Variants in DPYD observed in about 807,000 individuals in gnomAD.
DPYD encodes dihydropyrimidine dehydrogenase, also known as dihydropyrimidine dehydrogenase [NADP(+)].
DPYD carries 109 observed loss-of-function variants against 116.2 expected under a neutral mutation model. That is an observed-to-expected ratio of 0.94 (90% CI 0.80 to 1.10). DPYD has a LOEUF of 1.10. Among genes scored for constraint, DPYD ranks in the 50% least tolerant of loss-of-function variants. The pLI, the probability that DPYD is intolerant of heterozygous loss-of-function variation, is 0.00. For synonymous variants in DPYD, 440 were observed against 432.0 expected (o/e 1.02, Z -0.23); for missense variants, 1,302 against 1,254.5 (o/e 1.04, Z -0.57).
intron 18 of DPYD, among the ~76,000 whole-genome samples, chr1:97,297,816 C>T (rs941098881): frequency 6.6e-6 from 1 of 152,182 alleles, no homozygotes; most frequent in Non-Finnish European, 1.5e-5. Flanking sequence ...AAAAACATAA[C>T]ATTTCACAAT....
chr1:97,563,495 C>A (rs1443522405), intron 11 of DPYD, among the ~76,000 whole-genome samples: 1 of 152,156 alleles, frequency 6.6e-6, no homozygotes, highest in Non-Finnish European at 1.5e-5. Context: ...CCTAACAAAA[C>A]TTGTTACATG....
chr1:97,841,102 A>G (rs1167016419), intron 2 of DPYD, among the ~76,000 whole-genome samples: 1 of 152,108 alleles, frequency 6.6e-6, no homozygotes, highest in Non-Finnish European at 1.5e-5. Flanking sequence ...GGCATGATTC[A>G]TTTTTTAAAA....
chr1:97,132,055 T>A (rs531832311), intron 20 of DPYD, among the ~76,000 whole-genome samples: 1 of 152,088 alleles, frequency 6.6e-6, no homozygotes. Context: ...TTGAAGAATA[T>A]GCAGAAAGAA....
chr1:97,851,119 A>G (rs1451342582), intron 2 of DPYD, among the ~76,000 whole-genome samples: 1 of 152,090 alleles, frequency 6.6e-6, no homozygotes, highest in East Asian at 1.9e-4. Flanking sequence ...TTATTTGAAG[A>G]ACAGATAGCC....
intron 1 of DPYD, chr1:97,883,931 A>G (rs1045875431): frequency 4.8e-6 from 2 of 420,284 alleles, no homozygotes; most frequent in East Asian, 6.7e-5. Flanking sequence ...TTGGTTTTCC[A>G]AAAAAAAGTT....
chr1:97,383,986 G>A (rs1672149002), intron 14 of DPYD, among the ~76,000 whole-genome samples: 1 of 152,092 alleles, frequency 6.6e-6, no homozygotes, highest in South Asian at 2.1e-4. Flanking sequence ...CCCTGCCCCT[G>A]TAGTCCCAGC....
intron 16 of DPYD, chr1:97,322,852 T>A (rs1306905720): frequency 6.6e-6 from 1 of 152,020 alleles, no homozygotes; most frequent in Non-Finnish European, 1.5e-5. Flanking sequence ...AATCATTTTG[T>A]AAGACATACA....
chr1:97,328,141 T>C (rs564734485), intron 16 of DPYD, among the ~76,000 whole-genome samples: 1 of 152,258 alleles, frequency 6.6e-6, no homozygotes, highest in Non-Finnish European at 1.5e-5. Flanking sequence ...AGGGCTTCTA[T>C]GTCTTGCTCA....
intron 20 of DPYD, among the ~76,000 whole-genome samples, chr1:97,142,761 C>T (rs1418895951): frequency 6.6e-6 from 1 of 152,006 alleles, no homozygotes; most frequent in East Asian, 1.9e-4. Flanking sequence ...TATGCCCTTC[C>T]TGACTTTCCT....
At chr1:97,553,621 C>A (rs1226563420) in intron 11 of DPYD, among the ~76,000 whole-genome samples, 1 of 152,064 alleles carries the variant, frequency 6.6e-6, no homozygotes, top group African/African-American at 2.4e-5. Context: ...TTGCCATTTC[C>A]TCTGAAGTGT....
intron 5 of DPYD, among the ~76,000 whole-genome samples, chr1:97,710,018 C>A (rs911715850): frequency 1.3e-5 from 2 of 151,798 alleles, no homozygotes; most frequent in African/African-American, 2.4e-5. Context: ...ATTCTACATA[C>A]CTCACAAGAG....
In DPYD at chr1:97,573,198, A is replaced by C. The variant is rs567746673; in HGVS notation, c.1339+562T>G. On this transcript the variant is annotated intron_variant, in intron 11 of 22. Transcript: ENST00000370192. ...AATCATTATTCAGTTGAAATGTTAT[A>C]TAAAACATTTCTTTCTCTCATTATC... Among the ~76,000 whole-genome samples the C allele has an allele frequency of 2.0e-5, 3 of 152,220 alleles. No homozygotes were observed. The South Asian group carries it at 6.2e-4, about 32-fold the overall frequency.
chr1:97,308,902 GAGA>G (rs1667318136), intron 16 of DPYD, among the ~76,000 whole-genome samples: 1 of 151,712 alleles, frequency 6.6e-6, no homozygotes. Flanking sequence ...TACATACAAG[GAGA>G]AGAAGAAGAG....
intron 1 of DPYD, among the ~76,000 whole-genome samples, chr1:97,914,629 T>C (rs1200177715): frequency 6.6e-6 from 1 of 152,148 alleles, no homozygotes; most frequent in Non-Finnish European, 1.5e-5. Flanking sequence ...ACGTAATAGA[T>C]GTGAATAGTC....
At chr1:97,698,856 A>G (rs1455204536) in intron 6 of DPYD, among the ~76,000 whole-genome samples, 1 of 151,950 alleles carries the variant, frequency 6.6e-6, no homozygotes, top group Non-Finnish European at 1.5e-5. Flanking sequence ...GATTTTAAAA[A>G]TGTATATTTA....
intron 14 of DPYD, among the ~76,000 whole-genome samples, chr1:97,418,387 A>T (rs1395114263): frequency 6.7e-6 from 1 of 150,020 alleles, no homozygotes; most frequent in Non-Finnish European, 1.5e-5. Context: ...TGCAACCTCT[A>T]CCTCTCAGGT....
intron 20 of DPYD, among the ~76,000 whole-genome samples, chr1:97,141,675 C>T (rs1029368068): frequency 6.6e-6 from 1 of 152,192 alleles, no homozygotes; most frequent in African/African-American, 2.4e-5. Flanking sequence ...TCATTTTTAT[C>T]TCTTTTACTT....
At chr1:97,451,330 G>A (rs1676401461) in intron 13 of DPYD, among the ~76,000 whole-genome samples, 1 of 152,072 alleles carries the variant, frequency 6.6e-6, no homozygotes, top group Non-Finnish European at 1.5e-5. Context: ...ATTTATTCCT[G>A]AATCTGCCAA....
At chr1:97,318,312 T>C (rs7415016) in intron 16 of DPYD, among the ~76,000 whole-genome samples, 89,189 of 111,438 alleles carry the variant, frequency 0.8, 38,428 homozygotes, top group Non-Finnish European at 0.93. Context: ...CAAGACCCAT[T>C]AGTGTGCTGT....
Sources: allele counts gnomAD v4.1 joint callset (sites outside exome capture counted in the v4.1 genomes callset), GRCh38; gene constraint gnomAD v4.1.1; transcripts MANE v1.5; gene names NCBI Gene and HGNC (gene_info 2026-07-23, HGNC 2026-07-21).